CERS6: variants seen among roughly 807,000 people sequenced by gnomAD.
The protein encoded by CERS6 is ceramide synthase 6.
In CERS6, 26 loss-of-function variants were observed where a neutral mutation model predicts 56.8. The observed-to-expected ratio is 0.46, with a 90% CI of 0.34 to 0.63. The LOEUF is 0.63. Ranked by LOEUF, CERS6 falls within the 30% of genes least tolerant of loss-of-function variation. CERS6 has a pLI of 0.01. For missense variants in CERS6, 415 were observed against 467.5 expected, an observed-to-expected ratio of 0.89 and a Z score of 1.04; for synonymous variants, 164 against 173.3, an observed-to-expected ratio of 0.95 and a Z score of 0.42.
intron 3 of CERS6, among the ~76,000 whole-genome samples, chr2:168,592,028 C>A (rs759776138): frequency 6.6e-6 from 1 of 152,140 alleles, no homozygotes; most frequent in Non-Finnish European, 1.5e-5. Flanking sequence ...CGACTTTCAA[C>A]TGAGTGTCAA....
chr2:168,755,883 A>G (rs1176575081), intron 8 of CERS6, among the ~76,000 whole-genome samples: 2 of 152,212 alleles, frequency 1.3e-5, no homozygotes, highest in African/African-American at 2.4e-5. Context: ...AGCTAAAACA[A>G]TCTCACAACC....
chr2:168,761,986 T>A (rs572442207), intron 8 of CERS6, among the ~76,000 whole-genome samples: 1 of 152,086 alleles, frequency 6.6e-6, no homozygotes, highest in South Asian at 2.1e-4. Flanking sequence ...GAGGGGAACA[T>A]CACACACTGG....
At chr2:168,692,870 G>A (rs1176933553) in intron 5 of CERS6, among the ~76,000 whole-genome samples, 6 of 152,046 alleles carry the variant, frequency 3.9e-5, no homozygotes, top group African/African-American at 1.4e-4. Flanking sequence ...TCAGTCTCTA[G>A]CCTTAAGGGC....
chr2:168,596,815 A>T (rs1574089360), intron 3 of CERS6, among the ~76,000 whole-genome samples: 1 of 152,120 alleles, frequency 6.6e-6, no homozygotes, highest in East Asian at 1.9e-4. Flanking sequence ...TACAGGTGTG[A>T]ACCACCATGC....
intron 4 of CERS6, among the ~76,000 whole-genome samples, chr2:168,679,284 G>A (rs1686149540): frequency 6.6e-6 from 1 of 152,086 alleles, no homozygotes; most frequent in African/African-American, 2.4e-5. Context: ...TTAACGGTAG[G>A]ATATTGTATA....
chr2:168,716,104 A>C (rs1297331852), intron 7 of CERS6, among the ~76,000 whole-genome samples: 1 of 152,116 alleles, frequency 6.6e-6, no homozygotes, highest in Non-Finnish European at 1.5e-5. Flanking sequence ...TTAAGGTTTG[A>C]GGTATATACA....
chr2:168,761,694 T>G (rs1444739478), intron 8 of CERS6, among the ~76,000 whole-genome samples: 1 of 152,134 alleles, frequency 6.6e-6, no homozygotes, highest in Non-Finnish European at 1.5e-5. Context: ...CCAGGTGTCT[T>G]GCAGGGTGCT....
intron 3 of CERS6, among the ~76,000 whole-genome samples, chr2:168,573,486 TTTTTA>T (rs1696028323): frequency 6.6e-6 from 1 of 152,166 alleles, no homozygotes. Context: ...ATTTATATTA[TTTTTA>T]TTTTTCAAAG....
chr2:168,629,823 C>A (rs1474480384), intron 3 of CERS6, among the ~76,000 whole-genome samples: 1 of 147,946 alleles, frequency 6.8e-6, no homozygotes, highest in Non-Finnish European at 1.5e-5. Context: ...AACTTTTTTT[C>A]TTTTTTTTTT....
At chr2:168,620,125 G>A (rs892540867) in intron 3 of CERS6, among the ~76,000 whole-genome samples, 15 of 149,968 alleles carry the variant, frequency 1.0e-4, no homozygotes, top group Non-Finnish European at 1.9e-4. Flanking sequence ...AATGACATTT[G>A]CAGCAACCTG....
intron 4 of CERS6, among the ~76,000 whole-genome samples, chr2:168,662,272 TTTATA>T (rs1212748989): frequency 6.6e-6 from 1 of 152,214 alleles, no homozygotes; most frequent in Non-Finnish European, 1.5e-5. Flanking sequence ...TTTGTTATAT[TTTATA>T]TTAAACAATT....
At chr2:168,720,094 AT>A (rs758972547) in intron 8 of CERS6, among the ~76,000 whole-genome samples, 457 of 140,342 alleles carry the variant, frequency 3.3e-3, no homozygotes, top group Middle Eastern at 3.6e-3. Context: ...GACCGGTCTA[AT>A]TTTTTTTTTT....
intron 6 of CERS6, among the ~76,000 whole-genome samples, chr2:168,711,030 G>A (rs1191062268): frequency 6.6e-6 from 1 of 152,212 alleles, no homozygotes; most frequent in African/African-American, 2.4e-5. Context: ...TAGGTTAATT[G>A]AAAATAAGAG....
In CERS6 at chr2:168,771,364, AAT is replaced by A. The variant is rs1407856234; in HGVS notation, c.*1705_*1706del. On this transcript the variant is annotated 3_prime_UTR_variant, in exon 10 of 10. Transcript: ENST00000305747. ...ATCTTGCCCTACTTATTTACAAAAT[AAT>A]ATGTTTCTGTTATGGTCCTTAGTAA... 4 of 152,240 alleles carry A rather than the reference AAT, an allele frequency of 2.6e-5. No individual in the cohort carries two copies. The highest frequency in any genetic ancestry group is 4.8e-5 in the African/African-American group (2 of 41,466). The allele number at this position is 152,240 out of a possible 1,614,324, so 9.4% of individuals were successfully genotyped here. A position where few individuals can be genotyped will look rare whatever the true frequency, so the allele number is the denominator to read the frequency against.
chr2:168,501,363 T>C (rs552267895), intron 1 of CERS6, among the ~76,000 whole-genome samples: 1 of 152,354 alleles, frequency 6.6e-6, no homozygotes, highest in South Asian at 2.1e-4. Context: ...TTTTAACTGA[T>C]ACCTTTTCAA....
chr2:168,509,138 C>A (rs770200421), intron 1 of CERS6, among the ~76,000 whole-genome samples: 12 of 152,282 alleles, frequency 7.9e-5, no homozygotes, highest in Non-Finnish European at 1.0e-4. Context: ...TGATTCTATA[C>A]CCTCAGTTGA....
intron 6 of CERS6, among the ~76,000 whole-genome samples, chr2:168,707,731 TG>T (rs1294807090): frequency 1.3e-5 from 2 of 152,190 alleles, no homozygotes; most frequent in Non-Finnish European, 2.9e-5. Context: ...AATTGCCTAC[TG>T]GGGAGAGACC....
At chr2:168,526,253 G>A (rs1388884089) in intron 1 of CERS6, among the ~76,000 whole-genome samples, 1 of 152,108 alleles carries the variant, frequency 6.6e-6, no homozygotes, top group East Asian at 1.9e-4. Context: ...TTTTGCCTTT[G>A]TTAGCTTCAA....
chr2:168,678,112 C>T lies in CERS6; in HGVS notation c.466-12922C>T, dbSNP rs572600269. 3.3e-5 allele frequency among the ~76,000 whole-genome samples: 5 copies of T among 152,280 alleles called. No individual in the cohort carries two copies. The South Asian group carries it at 6.2e-4, about 19-fold the overall frequency. ...CTGTTGGTGGGAGTGTAAATTAGTT[C>T]AACCATTGTGGAAGTCAGTGTGGCA... On this transcript the variant is annotated intron_variant, in intron 4 of 9. Transcript: ENST00000305747.
Sources: gnomAD v4.1 joint callset for allele counts (sites outside exome capture counted in the v4.1 genomes callset) on GRCh38, gnomAD v4.1.1 for gene constraint, MANE v1.5 for transcripts, NCBI Gene and HGNC (gene_info 2026-07-23, HGNC 2026-07-21) for gene names.